Variants in AAR2 observed in about 807,000 individuals in gnomAD.
AAR2 encodes AAR2 splicing factor.
A neutral mutation model predicts 26.9 loss-of-function variants in AAR2; 31 were observed. The observed-to-expected ratio is 1.15, with a 90% confidence interval of 0.86 to 1.55. The LOEUF (loss-of-function observed/expected upper bound fraction) is 1.55. AAR2 is among the 40% of genes most tolerant of loss of function. The pLI, the probability that AAR2 is intolerant of heterozygous loss-of-function variation, is 0.00. For missense variants in AAR2, 430 were observed against 491.3 expected, an observed-to-expected ratio of 0.88 and a Z score of 1.18; for synonymous variants, 188 against 196.1, an observed-to-expected ratio of 0.96 and a Z score of 0.34.
chr20:36,252,352 G>A (rs1054099696), intron 3 of AAR2, among the ~76,000 whole-genome samples: 36 of 152,264 alleles, frequency 2.4e-4, no homozygotes, highest in Non-Finnish European at 5.9e-5. Context: ...TGTGTCGGGC[G>A]CTGTGCCGAG....
chr20:36,240,823 T>C (rs1439928351), intron 2 of AAR2, among the ~76,000 whole-genome samples, 198 bp downstream of exon 2: 1 of 152,162 alleles, frequency 6.6e-6, no homozygotes, highest in Non-Finnish European at 1.5e-5. Flanking sequence ...GCAGTTTCTA[T>C]CTGTCTAATA....
chr20:36,244,582 A>G, intron 2 of AAR2, 115 bp from the exon 3 acceptor site: 1 of 983,338 alleles, frequency 1.0e-6, no homozygotes, highest in Non-Finnish European at 1.6e-6. Flanking sequence ...TGACAAGGAT[A>G]AAAGCTCATC....
At chr20:36,253,083 C>G (rs1018394642) in intron 3 of AAR2, among the ~76,000 whole-genome samples, 2 of 152,012 alleles carry the variant, frequency 1.3e-5, no homozygotes, top group African/African-American at 2.4e-5. Flanking sequence ...CCTTCCCCCC[C>G]ATCACCTCTC....
chr20:36,247,346 G>A (rs971238625), intron 3 of AAR2, among the ~76,000 whole-genome samples: 3 of 152,100 alleles, frequency 2.0e-5, no homozygotes, highest in Admixed American at 6.5e-5. Flanking sequence ...TGCCACCTGA[G>A]GTGCTGCTCC....
At chr20:36,252,416 G>C (rs1329114654) in intron 3 of AAR2, among the ~76,000 whole-genome samples, 1 of 152,122 alleles carries the variant, frequency 6.6e-6, no homozygotes, top group Non-Finnish European at 1.5e-5. Flanking sequence ...GTGTCTGGTG[G>C]ACAAGATCAA....
At position 36,255,770 on chromosome 20, in the gene AAR2, G is replaced by A; in HGVS notation, c.*25G>A. On this transcript the variant is annotated 3_prime_UTR_variant, in exon 4 of 4. Coordinates refer to ENST00000320849, the MANE Select transcript of AAR2 (RefSeq NM_001271874.2). Reference sequence around the variant, plus strand: ...ACTCGGGGAGCGCTCTCAGCTGCGAGGGGCCCCTTCCCACAGGGCTGCAGT... The same window carrying A: ...ACTCGGGGAGCGCTCTCAGCTGCGAAGGGCCCCTTCCCACAGGGCTGCAGT... 7 of 1,613,306 alleles carry A rather than the reference G, an allele frequency of 4.3e-6. No homozygotes were observed. Among genetic ancestry groups the A allele is most frequent in the Non-Finnish European group, 5.9e-6 (7 of 1,179,472 alleles).
chr20:36,239,662 C>T (rs191188922), intron 1 of AAR2, among the ~76,000 whole-genome samples, 159 bp from the exon 2 acceptor site: 1 of 152,170 alleles, frequency 6.6e-6, no homozygotes, highest in East Asian at 1.9e-4. Flanking sequence ...CTTTAATCCT[C>T]GTTTTTCTCA....
At chr20:36,253,659 A>G (rs909566503) in intron 3 of AAR2, among the ~76,000 whole-genome samples, 3 of 152,214 alleles carry the variant, frequency 2.0e-5, no homozygotes, top group Admixed American at 2.0e-4. Flanking sequence ...TCCCCTGCCC[A>G]TGTTTGTATT....
chr20:36,254,031 G>A (rs1033983027), intron 3 of AAR2, among the ~76,000 whole-genome samples: 6 of 152,194 alleles, frequency 3.9e-5, no homozygotes, highest in African/African-American at 1.4e-4. Context: ...GAAAAACTGT[G>A]GCAGTTCATC....
chr20:36,252,892 C>G (rs2064790965), intron 3 of AAR2, among the ~76,000 whole-genome samples: 1 of 152,188 alleles, frequency 6.6e-6, no homozygotes, highest in African/African-American at 2.4e-5. Context: ...CAGCCTTGCT[C>G]CAGGCGGGCT....
chr20:36,242,410 A>T lies in AAR2; in HGVS notation c.757+1785A>T, dbSNP rs1198025728. On this transcript the variant is annotated intron_variant, in intron 2 of 3. Coordinates refer to ENST00000320849, the MANE Select transcript of AAR2 (RefSeq NM_001271874.2). ...GTTGTTGTTGTTGTTGTTGTTGTTG[A>T]GACGGAGTCTTGCTCTGTCGCCCAG... 3.4e-5 allele frequency among the ~76,000 whole-genome samples: 5 copies of T among 146,088 alleles called. 1 individual carries two copies. Among genetic ancestry groups the T allele is most frequent in the South Asian group, 4.3e-4 (2 of 4,626 alleles).
In AAR2 at chr20:36,236,488, A is replaced by C. The variant is rs1275987151; in HGVS notation, c.-64A>C. The C allele has an allele frequency of 6.6e-6, 1 of 152,224 alleles. No individual in the cohort carries two copies. The highest frequency in any genetic ancestry group is 2.4e-5 in the African/African-American group (1 of 41,450). 9.4% of individuals were successfully genotyped at this position (152,224 alleles called of 1,614,324 possible). On this transcript the variant is annotated 5_prime_UTR_variant, in exon 1 of 4. Coordinates refer to ENST00000320849, the MANE Select transcript of AAR2 (RefSeq NM_001271874.2). Reference sequence around the variant, plus strand: ...TTCCGGTGCGTTTCCGCTGTACCGGAACGTGGGGCGAGGCGGTGAGTGTGG... The same window carrying C: ...TTCCGGTGCGTTTCCGCTGTACCGGCACGTGGGGCGAGGCGGTGAGTGTGG...
chr20:36,238,329 A>G (rs2064639660), intron 1 of AAR2, among the ~76,000 whole-genome samples: 1 of 152,214 alleles, frequency 6.6e-6, no homozygotes, highest in Non-Finnish European at 1.5e-5. Context: ...TGTGACTTGC[A>G]GTTTGGTGAA....
intron 2 of AAR2, among the ~76,000 whole-genome samples, chr20:36,242,727 G>A (rs1201529202): frequency 2.0e-5 from 3 of 151,886 alleles, no homozygotes; most frequent in Non-Finnish European, 2.9e-5. Context: ...TAGTATTTTC[G>A]TATAATAAGT....
At chr20:36,239,777 C>T in intron 1 of AAR2, 44 bp from the exon 2 acceptor site, 2 of 1,442,760 alleles carry the variant, frequency 1.4e-6, no homozygotes, top group Non-Finnish European at 1.9e-6. Context: ...AATGAAGCAT[C>T]TTTCCCCCAC....
intron 3 of AAR2, among the ~76,000 whole-genome samples, chr20:36,251,707 G>A (rs1406895721): frequency 6.6e-6 from 1 of 152,174 alleles, no homozygotes; most frequent in African/African-American, 2.4e-5. Flanking sequence ...CCCAGGCTGT[G>A]GTAAAGATCA....
intron 3 of AAR2, among the ~76,000 whole-genome samples, chr20:36,253,417 A>G (rs1236657599): frequency 2.6e-5 from 4 of 152,132 alleles, no homozygotes; most frequent in African/African-American, 9.7e-5. Flanking sequence ...CTTTCTGGGT[A>G]ATTTTTATTC....
chr20:36,239,800 T>TC lies in AAR2; in HGVS notation c.-48-20dup. On this transcript the variant is annotated intron_variant, in intron 1 of 3. Coordinates refer to ENST00000320849, the MANE Select transcript of AAR2 (RefSeq NM_001271874.2). ...ATCTTTCCCCCACGTTCTGATTAACTCTGGTTTCTTTCTTTCTCAGCTGTT... is the reference window on the plus strand; with the variant it reads ...ATCTTTCCCCCACGTTCTGATTAACTCCTGGTTTCTTTCTTTCTCAGCTGTT... 5 of 1,501,724 alleles carry TC rather than the reference T, an allele frequency of 3.3e-6. No homozygotes were observed. In the South Asian group the frequency reaches 6.8e-5, roughly 20 times the overall value. 93.0% of individuals were successfully genotyped at this position (1,501,724 alleles called of 1,614,324 possible).
intron 3 of AAR2, among the ~76,000 whole-genome samples, chr20:36,247,398 C>A (rs955917288): frequency 6.6e-6 from 1 of 152,110 alleles, no homozygotes; most frequent in Middle Eastern, 3.2e-3. Flanking sequence ...CTCCTCATTG[C>A]GTGGAAAATT....
Sources: gnomAD v4.1 joint callset for allele counts (sites outside exome capture counted in the v4.1 genomes callset) on GRCh38, gnomAD v4.1.1 for gene constraint, MANE v1.5 for transcripts, NCBI Gene and HGNC (gene_info 2026-07-23, HGNC 2026-07-21) for gene names.